Variants in IRS2 observed in about 807,000 individuals in gnomAD.
The protein encoded by IRS2 is insulin receptor substrate 2.
In IRS2, 28 loss-of-function variants were observed where a neutral mutation model predicts 70.9. That is an observed-to-expected ratio of 0.39 (90% confidence interval 0.29 to 0.54). IRS2 has a LOEUF of 0.54. Ranked by LOEUF, IRS2 falls within the 20% of genes least tolerant of loss-of-function variation. The pLI, the probability that IRS2 is intolerant of heterozygous loss-of-function variation, is 0.59. For missense variants in IRS2, 2,081 were observed against 2,024.1 expected (o/e 1.03, Z -0.54); for synonymous variants, 1,217 against 981.9 (o/e 1.24, Z -4.48).
chr13:109,783,567 G>A lies in IRS2; in HGVS notation c.2487C>T (p.Pro829=), dbSNP rs12853546. The A allele has an allele frequency of 0.24, 378,780 of 1,549,162 alleles. 47,398 individuals carry two copies. The highest frequency in any genetic ancestry group is 0.42 in the Middle Eastern group (2,450 of 5,870). Residue 829 remains proline (P), a synonymous_variant, in exon 1 of 2, where the codon CCC becomes CCT. Coordinates refer to ENST00000375856, the MANE Select transcript of IRS2 (RefSeq NM_003749.3). ...DSDQYVLMSS[P]VGRILEEERL... Reference sequence around the variant, plus strand: ...GCTCCTCCTCCAGGATGCGCCCCACGGGGGAGCTCATGAGCACGTACTGGT... The same window carrying A: ...GCTCCTCCTCCAGGATGCGCCCCACAGGGGAGCTCATGAGCACGTACTGGT...
At chr13:109,765,013 G>A (rs980407466) in intron 1 of IRS2, among the ~76,000 whole-genome samples, 21 of 152,132 alleles carry the variant, frequency 1.4e-4, no homozygotes, top group Non-Finnish European at 2.5e-4. Context: ...GGCCTCACAT[G>A]TCTACTACTC....
chr13:109,769,376 T>G (rs1877403846), intron 1 of IRS2, among the ~76,000 whole-genome samples: 1 of 152,196 alleles, frequency 6.6e-6, no homozygotes, highest in Admixed American at 6.5e-5. Flanking sequence ...CCTGGTCCCT[T>G]ACTACCTCTT....
In IRS2 at chr13:109,755,613, T is replaced by C. The variant is rs1330208115; in HGVS notation, c.*691A>G. 3 of 203,018 alleles carry C rather than the reference T, an allele frequency of 1.5e-5. No individual in the cohort carries two copies. The highest frequency in any genetic ancestry group is 3.0e-5 in the Non-Finnish European group (3 of 98,866). 12.6% of individuals were successfully genotyped at this position (203,018 alleles called of 1,614,324 possible). A position where few individuals can be genotyped will look rare whatever the true frequency, so the allele number is the denominator to read the frequency against. ...ACATATAATAATTATTATTTAGTAA[T>C]CCGTCTTCAAAGTCCAATCCCAAAT... On this transcript the variant is annotated 3_prime_UTR_variant, in exon 2 of 2. Coordinates refer to ENST00000375856, the MANE Select transcript of IRS2 (RefSeq NM_003749.3).
chr13:109,782,253 C>G lies in IRS2; in HGVS notation c.3801G>C (p.Gln1267His), dbSNP rs767251698. ...DVREEPGLPPQPQPPPPPLPQ... is the reference protein window; with the variant it reads ...DVREEPGLPPHPQPPPPPLPQ... Reference sequence around the variant, plus strand: ...GAAGCGGCGGCGGCGGCGGCTGCGGCTGGGGTGGCAGCCCGGGCTCCTCCC... The same window carrying G: ...GAAGCGGCGGCGGCGGCGGCTGCGGGTGGGGTGGCAGCCCGGGCTCCTCCC... Residue 1267 changes from glutamine to histidine, a missense_variant, in exon 1 of 2, where the codon CAG becomes CAC. Transcript: ENST00000375856. 6.2e-7 allele frequency: 1 copy of G among 1,606,960 alleles called. No homozygotes were observed. Among genetic ancestry groups the G allele is most frequent in the South Asian group, 1.1e-5 (1 of 90,760 alleles).
At chr13:109,761,344 C>T (rs180740220) in intron 1 of IRS2, among the ~76,000 whole-genome samples, 9 of 152,226 alleles carry the variant, frequency 5.9e-5, no homozygotes, top group East Asian at 1.9e-4. Flanking sequence ...CAAAATGAAA[C>T]GATACACTTC....
rs1353269010 is a variant in IRS2 at position 109,754,087 on chromosome 13, A to C, written c.*2217T>G. On this transcript the variant is annotated 3_prime_UTR_variant, in exon 2 of 2. Transcript: ENST00000375856. ...ATCCAGAAACAATACGTACCCAAAA[A>C]GAAAACACTGTTTAATAACTGTTAA... is the stretch of plus-strand genomic sequence containing the variant. The C allele has an allele frequency of 8.6e-6, 2 of 231,830 alleles. No individual in the cohort carries two copies. The highest frequency in any genetic ancestry group is 1.2e-4 in the East Asian group (2 of 16,228). 14.4% of individuals were successfully genotyped at this position (231,830 alleles called of 1,614,324 possible).
chr13:109,770,750 G>C (rs754852831), intron 1 of IRS2, among the ~76,000 whole-genome samples: 1 of 152,200 alleles, frequency 6.6e-6, no homozygotes, highest in Non-Finnish European at 1.5e-5. Flanking sequence ...CAGAGGCCAG[G>C]CTTCACATTT....
rs1877334409 is a variant in IRS2, at chr13:109,766,334, C to T, written c.4013-10026G>A. 1.6e-4 allele frequency among the ~76,000 whole-genome samples: 2 copies of T among 12,792 alleles called. 1 individual carries two copies. Among genetic ancestry groups the T allele is most frequent in the Non-Finnish European group, 2.9e-4 (2 of 6,974 alleles). The allele number at this position is 12,792 out of a possible 152,430, so 8.4% of individuals were successfully genotyped here. ...CCTCATCCACCCTGACTCCAACTCC[C>T]CACCAAGCATGTAGATATCCCAGCC... On this transcript the variant is annotated intron_variant, in intron 1 of 1. Coordinates refer to ENST00000375856, the MANE Select transcript of IRS2 (RefSeq NM_003749.3).
Position 109,785,286 on chromosome 13 carries a change from G to A in IRS2, c.768C>T (p.Phe256=). ...TGACGGCCGAGCGGCCCACCTCGAT[G>A]AAGAAGAAGCTGTCCGAGTGGCCGC... ...RRCGHSDSFF[F]IEVGRSAVTG... is the part of the protein sequence containing the mutation. Residue 256 remains phenylalanine, a synonymous_variant, in exon 1 of 2, where the codon TTC becomes TTT. Coordinates refer to ENST00000375856, the MANE Select transcript of IRS2 (RefSeq NM_003749.3). The surrounding 1 kb of genome is among the most constrained non-coding windows in gnomAD (Gnocchi z 9.3). The A allele has an allele frequency of 6.2e-7, 1 of 1,608,964 alleles. No homozygotes were observed. The highest frequency in any genetic ancestry group is 8.5e-7 in the Non-Finnish European group (1 of 1,178,492).
At chr13:109,761,209 G>T (rs1414290694) in intron 1 of IRS2, among the ~76,000 whole-genome samples, 3 of 152,164 alleles carry the variant, frequency 2.0e-5, no homozygotes, top group Admixed American at 1.3e-4. Flanking sequence ...GGGACATGGG[G>T]CCTCACAGGC....
chr13:109,782,938 C>A lies in IRS2; in HGVS notation c.3116G>T (p.Gly1039Val), dbSNP rs1200450799. 18 of 1,468,512 alleles carry A rather than the reference C, an allele frequency of 1.2e-5. No homozygotes were observed. The highest frequency in any genetic ancestry group is 1.6e-5 in the Non-Finnish European group (18 of 1,113,276). 91.0% of individuals were successfully genotyped at this position (1,468,512 alleles called of 1,614,324 possible). ...GGCGGGGGGCAGGCGGTACAGCTCC[C>A]CCGGGGCCGGCGGCGGTGGCGGCGG... ...LQPPPPPPAP[G>V]ELYRLPPASA... The change falls in exon 1 of 2, where the codon GGG becomes GTG. Residue 1039 changes from glycine (G) to valine (V), a missense_variant. By Grantham distance (109) the Gly-to-Val change is moderately radical (BLOSUM62 -3). Around this residue, in one of 4 missense-constraint regions of IRS2, gnomAD observed 1,615 missense variants for 1,459.5 expected, o/e 1.11. Coordinates refer to ENST00000375856, the MANE Select transcript of IRS2 (RefSeq NM_003749.3).
At position 109,783,310 on chromosome 13, in the gene IRS2, C is replaced by A; in HGVS notation, c.2744G>T (p.Ser915Ile). ...HEYPLPPEPK[S>I]PGEYINIDFG... ...GTCGATGTTGATGTACTCGCCGGGG[C>A]TCTTGGGCTCCGGTGGCAGTGGGTA... The change falls in exon 1 of 2, where the codon AGC becomes ATC. Residue 915 changes from serine (S) to isoleucine (I), a missense_variant. By Grantham distance (142) the Ser-to-Ile change is moderately radical. This residue lies in a region of IRS2 where 1,615 missense variants were observed against 1,459.5 expected (regional missense o/e 1.11). Coordinates refer to ENST00000375856, the MANE Select transcript of IRS2 (RefSeq NM_003749.3). 1 of 1,547,832 alleles carries A rather than the reference C, an allele frequency of 6.5e-7. No homozygotes were observed. The highest frequency in any genetic ancestry group is 8.6e-7 in the Non-Finnish European group (1 of 1,156,654).
chr13:109,776,386 TGGA>T (rs766414970), intron 1 of IRS2, among the ~76,000 whole-genome samples: 17 of 152,260 alleles, frequency 1.1e-4, no homozygotes, highest in Non-Finnish European at 2.1e-4. Context: ...ACAGTGTCTT[TGGA>T]CACATAAAAG....
chr13:109,783,010 G>A lies in IRS2; in HGVS notation c.3044C>T (p.Pro1015Leu), dbSNP rs1240130819. 7.3e-7 allele frequency: 1 copy of A among 1,363,252 alleles called. No homozygotes were observed. Among genetic ancestry groups the A allele is most frequent in the South Asian group, 1.8e-5 (1 of 55,262 alleles). 84.4% of individuals were successfully genotyped at this position (1,363,252 alleles called of 1,614,324 possible). A position where few individuals can be genotyped will look rare whatever the true frequency, so the allele number is the denominator to read the frequency against. ...LLSPEASSPYPPLPPRPSASP... is the reference protein window; with the variant it reads ...LLSPEASSPYLPLPPRPSASP... The stretch of plus-strand genomic sequence containing the variant: ...CGCGGACGGACGCGGGGGCAACGGC[G>A]GATACGGGGAGGAGGCCTCGGGGGA... The change falls in exon 1 of 2, where the codon CCG (proline) becomes CTG (leucine). Residue 1015 changes from proline (P) to leucine (L), a missense_variant. By Grantham distance (98) the Pro-to-Leu change is moderately conservative. This residue lies in a region of IRS2 where 1,615 missense variants were observed against 1,459.5 expected (regional missense o/e 1.11). Coordinates refer to ENST00000375856, the MANE Select transcript of IRS2 (RefSeq NM_003749.3).
intron 1 of IRS2, among the ~76,000 whole-genome samples, chr13:109,770,502 C>T (rs909692390): frequency 3.3e-5 from 5 of 152,194 alleles, no homozygotes; most frequent in South Asian, 2.1e-4. Flanking sequence ...CCCAGGTTCA[C>T]GCAGGGGTGA....
chr13:109,755,899 C>G lies in IRS2; in HGVS notation c.*405G>C. ...AGCCAGTAAATACCAGATTTTACCA[C>G]TTCCATAGGTACGGGTGCACTCTCC... On this transcript the variant is annotated 3_prime_UTR_variant, in exon 2 of 2. Coordinates refer to ENST00000375856, the MANE Select transcript of IRS2 (RefSeq NM_003749.3). 1 of 276,574 alleles carries G rather than the reference C, an allele frequency of 3.6e-6. No individual in the cohort carries two copies. Among genetic ancestry groups the G allele is most frequent in the Non-Finnish European group, 7.0e-6 (1 of 143,048 alleles). The allele number at this position is 276,574 out of a possible 1,614,324, so 17.1% of individuals were successfully genotyped here. A position where few individuals can be genotyped will look rare whatever the true frequency, so the allele number is the denominator to read the frequency against.
rs2138932481 is a variant in IRS2, at chr13:109,783,394, G to C, written c.2660C>G (p.Ala887Gly). 6.8e-7 allele frequency: 1 copy of C among 1,480,738 alleles called. No individual in the cohort carries two copies. Among genetic ancestry groups the C allele is most frequent in the Non-Finnish European group, 8.9e-7 (1 of 1,126,350 alleles). The allele number at this position is 1,480,738 out of a possible 1,614,324, so 91.7% of individuals were successfully genotyped here. A position where few individuals can be genotyped will look rare whatever the true frequency, so the allele number is the denominator to read the frequency against. Reference protein sequence around the residue: ...PEGFLGQRGRAVRPTRLSLEG... With the variant: ...PEGFLGQRGRGVRPTRLSLEG... Reference sequence around the variant, plus strand: ...CAGGGACAGGCGCGTGGGCCTCACCGCCCGGCCGCGCTGGCCCAAGAAGCC... The same window carrying C: ...CAGGGACAGGCGCGTGGGCCTCACCCCCCGGCCGCGCTGGCCCAAGAAGCC... The change falls in exon 1 of 2, where the codon GCG becomes GGG. Residue 887 changes from alanine to glycine, a missense_variant. By Grantham distance (60) the Ala-to-Gly change is moderately conservative. This residue lies in a region of IRS2 where 1,615 missense variants were observed against 1,459.5 expected (regional missense o/e 1.11). Coordinates refer to ENST00000375856, the MANE Select transcript of IRS2 (RefSeq NM_003749.3).
chr13:109,784,847 G>T lies in IRS2; in HGVS notation c.1207C>A (p.His403Asn). 8.1e-7 allele frequency: 1 copy of T among 1,234,230 alleles called. No individual in the cohort carries two copies. Among genetic ancestry groups the T allele is most frequent in the Non-Finnish European group, 1.0e-6 (1 of 977,706 alleles). The allele number at this position is 1,234,230 out of a possible 1,614,324, so 76.5% of individuals were successfully genotyped here. The change falls in exon 1 of 2, where the codon CAC (histidine) becomes AAC (asparagine). Residue 403 changes from histidine to asparagine, a missense_variant. Around this residue, in one of 4 missense-constraint regions of IRS2, gnomAD observed 1,615 missense variants for 1,459.5 expected, o/e 1.11. Coordinates refer to ENST00000375856, the MANE Select transcript of IRS2 (RefSeq NM_003749.3). The surrounding 1 kb of genome is among the most constrained non-coding windows in gnomAD (Gnocchi z 5.2). ...CCGCCGCAGCCGCCGCTCAGGGTGT[G>T]CGAGCGGCTCAGGGGCGCGCGCACC... Reference protein sequence around the residue: ...GPVRAPLSRSHTLSGGCGGRG... With the variant: ...GPVRAPLSRSNTLSGGCGGRG...
intron 1 of IRS2, among the ~76,000 whole-genome samples, chr13:109,778,115 T>C (rs1877618564): frequency 6.6e-6 from 1 of 152,228 alleles, no homozygotes; most frequent in African/African-American, 2.4e-5. Flanking sequence ...CATCTTCCTT[T>C]AGAAGAGCTT....
Sources: allele counts gnomAD v4.1 joint callset (sites outside exome capture counted in the v4.1 genomes callset), GRCh38; gene constraint gnomAD v4.1.1; regional missense constraint gnomAD v4.1.1; non-coding constraint Gnocchi (gnomAD v3.1); transcripts MANE v1.5; gene names NCBI Gene and HGNC (gene_info 2026-07-23, HGNC 2026-07-21).